The following N4BP1 variants were observed in gnomAD, a reference collection of about 807,000 sequenced individuals.
The protein encoded by N4BP1 is NEDD4 binding protein 1.
N4BP1 carries 21 observed loss-of-function variants against 70.9 expected under a neutral mutation model. The observed-to-expected ratio is 0.30, with a 90% CI of 0.21 to 0.43. N4BP1 has a LOEUF of 0.43. Among genes scored for constraint, N4BP1 ranks in the 20% least tolerant of loss-of-function variants. N4BP1 has a pLI of 1.00. For missense variants in N4BP1, 936 were observed against 1,069.4 expected, an observed-to-expected ratio of 0.88 and a Z score of 1.74; for synonymous variants, 387 against 394.6, an observed-to-expected ratio of 0.98 and a Z score of 0.23.
rs1197060740 is a variant in N4BP1 at position 48,610,118 on chromosome 16, G to A, written c.-146C>T. 1.2e-5 allele frequency: 3 copies of A among 242,402 alleles called. No individual in the cohort carries two copies. Among genetic ancestry groups the A allele is most frequent in the Non-Finnish European group, 2.0e-5 (3 of 149,428 alleles). The allele number at this position is 242,402 out of a possible 1,614,324, so 15.0% of individuals were successfully genotyped here. On this transcript the variant is annotated 5_prime_UTR_variant, in exon 1 of 7. Coordinates refer to ENST00000262384, the MANE Select transcript of N4BP1 (RefSeq NM_153029.4). Reference sequence around the variant, plus strand: ...CCCGCGCCCCGCCGCCCGCCCTCAGGCCCGGCTATACCATCCCGCCACGAC... The same window carrying A: ...CCCGCGCCCCGCCGCCCGCCCTCAGACCCGGCTATACCATCCCGCCACGAC...
chr16:48,552,736 A>AAAAAAAAAAAAAAAAAAAAAAAC (rs1963693762), intron 3 of N4BP1, among the ~76,000 whole-genome samples: 1 of 145,168 alleles, frequency 6.9e-6, no homozygotes, highest in South Asian at 2.2e-4. Flanking sequence ...AAAAAAAAAA[A>AAAAAAAAAAAAAAAAAAAAAAAC]AAGACTCCTT....
chr16:48,565,305 G>T (rs1452291163), intron 1 of N4BP1, among the ~76,000 whole-genome samples: 1 of 152,136 alleles, frequency 6.6e-6, no homozygotes, highest in Non-Finnish European at 1.5e-5. Context: ...TTTTACCAAC[G>T]TTCTTTATCA....
At position 48,561,201 on chromosome 16, in the gene N4BP1, T is replaced by C. The variant is rs762254198; in HGVS notation, c.1442A>G (p.Tyr481Cys). The change falls in exon 2 of 7, where the codon TAC (tyrosine) becomes TGC (cysteine). Residue 481 changes from tyrosine (Y) to cysteine (C), a missense_variant. Coordinates refer to ENST00000262384, the MANE Select transcript of N4BP1 (RefSeq NM_153029.4). ...KHEVWGSNQN[Y>C]ICNTDPETDG... ...AGTTTCAGGGTCTGTGTTACAAATGTAGTTCTGGTTTGAACCCCAGACTTC... is the reference window on the plus strand; with the variant it reads ...AGTTTCAGGGTCTGTGTTACAAATGCAGTTCTGGTTTGAACCCCAGACTTC... The C allele has an allele frequency of 4.3e-6, 7 of 1,614,002 alleles. No homozygotes were observed. The highest frequency in any genetic ancestry group is 5.9e-6 in the Non-Finnish European group (7 of 1,179,874).
intron 2 of N4BP1, among the ~76,000 whole-genome samples, chr16:48,554,190 TAAAAG>T (rs1963717713): frequency 3.4e-5 from 5 of 149,072 alleles, no homozygotes; most frequent in African/African-American, 9.9e-5. Context: ...AAAAAAAAAT[TAAAAG>T]AACAGCAACA....
chr16:48,577,135 T>C (rs961826768), intron 1 of N4BP1, among the ~76,000 whole-genome samples: 2 of 152,124 alleles, frequency 1.3e-5, no homozygotes, highest in East Asian at 1.9e-4. Flanking sequence ...TCTGCCCCCA[T>C]TCAAACCAAA....
chr16:48,566,873 A>C (rs577252420), intron 1 of N4BP1, among the ~76,000 whole-genome samples: 1 of 152,270 alleles, frequency 6.6e-6, no homozygotes, highest in South Asian at 2.1e-4. Flanking sequence ...TGGTTCACAT[A>C]TTTTGCAGCT....
intron 2 of N4BP1, 101 bp downstream of exon 2, chr16:48,560,650 TCAA>T: frequency 7.1e-7 from 1 of 1,411,832 alleles, no homozygotes; most frequent in African/African-American, 1.4e-5. Context: ...AGGCTACAGA[TCAA>T]CTATATACAA....
At chr16:48,560,431 T>G (rs893941966) in intron 2 of N4BP1, 4 of 210,660 alleles carry the variant, frequency 1.9e-5, no homozygotes, top group African/African-American at 9.3e-5. Context: ...TAGAACATAA[T>G]GGTACTCACA....
chr16:48,552,201 A>G (rs961431569), intron 3 of N4BP1, among the ~76,000 whole-genome samples: 1 of 152,274 alleles, frequency 6.6e-6, no homozygotes, highest in African/African-American at 2.4e-5. Context: ...CCTCCTATCT[A>G]AATTCTCAAA....
intron 1 of N4BP1, among the ~76,000 whole-genome samples, chr16:48,595,415 C>T (rs956444836): frequency 1.6e-4 from 22 of 134,858 alleles, no homozygotes; most frequent in African/African-American, 6.3e-4. Context: ...CGAGATCACA[C>T]CACTGCACTC....
chr16:48,604,452 C>T (rs111253013), intron 1 of N4BP1, among the ~76,000 whole-genome samples: 173 of 151,908 alleles, frequency 1.1e-3, no homozygotes, highest in African/African-American at 3.1e-3. Context: ...ACTCAGGAGG[C>T]CAAGAGGATC....
Position 48,562,010 on chromosome 16 carries a change from T to C in N4BP1, c.633A>G (p.Gln211=), listed in dbSNP as rs1963866607. 19 of 1,613,830 alleles carry C rather than the reference T, an allele frequency of 1.2e-5. No homozygotes were observed. The highest frequency in any genetic ancestry group is 1.5e-5 in the Non-Finnish European group (18 of 1,179,896). ...DDEVIEMRDS[Q]QTEFTQNAAT... ...CAGCATTCTGTGTAAACTCTGTTTG[T>C]TGAGAATCTCTCATTTCAATAACCT... Residue 211 remains glutamine, a synonymous_variant, in exon 2 of 7, where the codon CAA becomes CAG. Transcript: ENST00000262384.
At chr16:48,588,547 G>A (rs1003513642) in intron 1 of N4BP1, among the ~76,000 whole-genome samples, 1 of 152,020 alleles carries the variant, frequency 6.6e-6, no homozygotes, top group Non-Finnish European at 1.5e-5. Flanking sequence ...CACCTGCCTC[G>A]ACCTCCCAAT....
At position 48,539,531 on chromosome 16, in the gene N4BP1, G is replaced by A; in HGVS notation, c.*3373C>T. The A allele has an allele frequency of 6.6e-6, 1 of 152,546 alleles. No homozygotes were observed. The highest frequency in any genetic ancestry group is 1.5e-5 in the Non-Finnish European group (1 of 68,188). 9.4% of individuals were successfully genotyped at this position (152,546 alleles called of 1,614,324 possible). A position where few individuals can be genotyped will look rare whatever the true frequency, so the allele number is the denominator to read the frequency against. On this transcript the variant is annotated 3_prime_UTR_variant, in exon 7 of 7. Coordinates refer to ENST00000262384, the MANE Select transcript of N4BP1 (RefSeq NM_153029.4). ...AGGGGACAGCGAGGAGAGGGACGGT[G>A]TGGCCCTAAGGGTGACTGCAGTTTC...
At chr16:48,572,873 A>G (rs980374666) in intron 1 of N4BP1, among the ~76,000 whole-genome samples, 5 of 152,140 alleles carry the variant, frequency 3.3e-5, no homozygotes, top group African/African-American at 1.2e-4. Context: ...GCTCACATCT[A>G]TAATTCCAGC....
In N4BP1 at chr16:48,609,801, C is replaced by A. The variant is rs1410916859; in HGVS notation, c.172G>T (p.Ala58Ser). The A allele has an allele frequency of 6.8e-7, 1 of 1,467,428 alleles. No homozygotes were observed. The highest frequency in any genetic ancestry group is 9.0e-7 in the Non-Finnish European group (1 of 1,113,318). The allele number at this position is 1,467,428 out of a possible 1,614,324, so 90.9% of individuals were successfully genotyped here. ...PARIWLQLCG[A>S]QEAVHSAKEY... ...TTGGCGCTGTGCACCGCCTCCTGCG[C>A]CCCGCAGAGCTGCAGCCAGATGCGC... The change falls in exon 1 of 7, where the codon GCG (alanine) becomes TCG (serine). Residue 58 changes from alanine (A) to serine (S), a missense_variant. By Grantham distance (99) the Ala-to-Ser change is moderately conservative. Transcript: ENST00000262384.
chr16:48,579,117 T>C (rs1964141201), intron 1 of N4BP1, among the ~76,000 whole-genome samples: 1 of 152,098 alleles, frequency 6.6e-6, no homozygotes, highest in Non-Finnish European at 1.5e-5. Flanking sequence ...TATCCTACAA[T>C]ACACAGTACA....
chr16:48,539,348 A>G lies in N4BP1; in HGVS notation c.*3556T>C, dbSNP rs1963453671. The G allele has an allele frequency of 6.6e-6, 1 of 152,564 alleles. No homozygotes were observed. The highest frequency in any genetic ancestry group is 1.5e-5 in the Non-Finnish European group (1 of 68,350). The allele number at this position is 152,564 out of a possible 1,614,324, so 9.5% of individuals were successfully genotyped here. A position where few individuals can be genotyped will look rare whatever the true frequency, so the allele number is the denominator to read the frequency against. Reference sequence around the variant, plus strand: ...GTGGGAGTAGCGGGCAGGGGCCAGCAAAGCACGAGGGCAGAGCAGGGGACC... The same window carrying G: ...GTGGGAGTAGCGGGCAGGGGCCAGCGAAGCACGAGGGCAGAGCAGGGGACC... On this transcript the variant is annotated 3_prime_UTR_variant, in exon 7 of 7. Coordinates refer to ENST00000262384, the MANE Select transcript of N4BP1 (RefSeq NM_153029.4).
At chr16:48,575,896 C>T (rs1230231613) in intron 1 of N4BP1, among the ~76,000 whole-genome samples, 1 of 152,190 alleles carries the variant, frequency 6.6e-6, no homozygotes, top group Non-Finnish European at 1.5e-5. Flanking sequence ...CACCATGGCA[C>T]AACATAAGAT....
Sources: allele counts gnomAD v4.1 joint callset (sites outside exome capture counted in the v4.1 genomes callset), GRCh38; gene constraint gnomAD v4.1.1; transcripts MANE v1.5; gene names NCBI Gene and HGNC (gene_info 2026-07-23, HGNC 2026-07-21).